FARS2: variants seen among roughly 807,000 people sequenced by gnomAD.
FARS2 encodes the protein phenylalanyl-tRNA synthetase 2, mitochondrial, also known as phenylalanine--tRNA ligase, mitochondrial.
Under a neutral mutation model 46.4 loss-of-function variants are expected in FARS2, and 40 were observed. The ratio of observed to expected loss-of-function variants is 0.86; its 90% CI spans 0.67 to 1.12. The LOEUF is 1.12. Ranked by LOEUF, FARS2 falls within the 50% of genes most tolerant of loss-of-function variation. FARS2 has a pLI of 0.00. For synonymous variants in FARS2, 234 were observed against 214.9 expected (o/e 1.09, Z -0.78); for missense variants, 513 against 567.9 (o/e 0.90, Z 0.98).
rs201074448 is a variant in FARS2 at position 5,407,043 on chromosome 6, TTA to T, written c.772+2365_772+2366del. Among the ~76,000 whole-genome samples, 560 of 83,784 alleles carry T rather than the reference TTA, an allele frequency of 6.7e-3. 34 individuals carry two copies. The highest frequency in any genetic ancestry group is 0.028 in the South Asian group (53 of 1,888). 55.0% of individuals were successfully genotyped at this position (83,784 alleles called of 152,430 possible). On this transcript the variant is annotated intron_variant, in intron 3 of 6. Transcript: ENST00000274680. ...AATGGGTGAACATGAAGGTGGCAAATTATATATATATATATATATATATAATG... is the reference window on the plus strand; with the variant it reads ...AATGGGTGAACATGAAGGTGGCAAATTATATATATATATATATATATAATG...
chr6:5,309,112 A>G (rs1257963261), intron 1 of FARS2, among the ~76,000 whole-genome samples: 1 of 152,248 alleles, frequency 6.6e-6, no homozygotes, highest in South Asian at 2.1e-4. Context: ...GCAACTATTT[A>G]TACCAGACAA....
At chr6:5,610,311 TAAAA>T in intron 5 of FARS2, 2 of 297,666 alleles carry the variant, frequency 6.7e-6, no homozygotes, top group African/African-American at 2.3e-5. Flanking sequence ...CAATTCTTTT[TAAAA>T]AAAAAAAAAA....
At chr6:5,567,817 G>A (rs1772409258) in intron 5 of FARS2, among the ~76,000 whole-genome samples, 1 of 152,180 alleles carries the variant, frequency 6.6e-6, no homozygotes, top group South Asian at 2.1e-4. Flanking sequence ...TTAGCTAGTC[G>A]CTAGCTATTT....
At chr6:5,305,019 G>T (rs1370540608) in intron 1 of FARS2, among the ~76,000 whole-genome samples, 1 of 152,150 alleles carries the variant, frequency 6.6e-6, no homozygotes, top group East Asian at 1.9e-4. Flanking sequence ...CTGGGCATGC[G>T]CTCAGAAGAG....
At chr6:5,266,657 A>T (rs1285290028) in intron 1 of FARS2, among the ~76,000 whole-genome samples, 1 of 152,172 alleles carries the variant, frequency 6.6e-6, no homozygotes, top group Admixed American at 6.5e-5. Context: ...CAGCTTCAGG[A>T]ATTGGAAGGT....
chr6:5,465,468 A>T (rs1357231296), intron 4 of FARS2, among the ~76,000 whole-genome samples: 4 of 152,206 alleles, frequency 2.6e-5, no homozygotes, highest in African/African-American at 9.7e-5. Flanking sequence ...TATTTTGCTC[A>T]TTGGCTTCTA....
intron 3 of FARS2, among the ~76,000 whole-genome samples, chr6:5,410,256 C>T (rs764608275): frequency 1.4e-4 from 22 of 151,846 alleles, no homozygotes; most frequent in African/African-American, 4.3e-4. Context: ...TGGGTTCCCG[C>T]GATTCTCATG....
In FARS2 at chr6:5,640,374, G is replaced by A. The variant is rs374229630; in HGVS notation, c.1217+27054G>A. ...AAAGGAGATGCAGCAGATCTGAATT[G>A]GCTTCATATCACGGCAAACACGGAA... On this transcript the variant is annotated intron_variant, in intron 6 of 6. Coordinates refer to ENST00000274680, the MANE Select transcript of FARS2 (RefSeq NM_006567.5). Among the ~76,000 whole-genome samples the A allele has an allele frequency of 6.3e-4, 96 of 152,280 alleles. 2 individuals carry two copies. In the South Asian group the frequency reaches 0.02, roughly 31 times the overall value.
intron 3 of FARS2, among the ~76,000 whole-genome samples, chr6:5,414,554 T>C (rs1268282961): frequency 2.6e-5 from 4 of 152,206 alleles, no homozygotes; most frequent in Non-Finnish European, 4.4e-5. Flanking sequence ...ATAATTATTT[T>C]GAGATTCATG....
At chr6:5,561,036 C>T (rs1315994665) in intron 5 of FARS2, among the ~76,000 whole-genome samples, 1 of 152,084 alleles carries the variant, frequency 6.6e-6, no homozygotes, top group Non-Finnish European at 1.5e-5. Flanking sequence ...GAGGCTGAGG[C>T]ACAAAAGTTG....
intron 5 of FARS2, among the ~76,000 whole-genome samples, chr6:5,563,784 A>T (rs1772154856): frequency 6.6e-6 from 1 of 152,222 alleles, no homozygotes; most frequent in Non-Finnish European, 1.5e-5. Context: ...TACCAATACA[A>T]GATATATAAG....
At chr6:5,273,488 T>C (rs904712371) in intron 1 of FARS2, among the ~76,000 whole-genome samples, 2 of 146,724 alleles carry the variant, frequency 1.4e-5, no homozygotes, top group African/African-American at 5.0e-5. Context: ...TATTGAGATC[T>C]TTGGCCCAAT....
intron 4 of FARS2, among the ~76,000 whole-genome samples, chr6:5,483,822 C>G (rs1053153835): frequency 6.6e-6 from 1 of 152,088 alleles, no homozygotes; most frequent in Non-Finnish European, 1.5e-5. Context: ...AAGACAAAGA[C>G]AACCAGAGCT....
chr6:5,446,446 T>C (rs764696782), intron 4 of FARS2, among the ~76,000 whole-genome samples: 2 of 152,164 alleles, frequency 1.3e-5, no homozygotes, highest in Non-Finnish European at 2.9e-5. Flanking sequence ...TTTTCTTCCA[T>C]CCCTGAAGCA....
At chr6:5,310,323 G>A (rs898540407) in intron 1 of FARS2, among the ~76,000 whole-genome samples, 3 of 151,782 alleles carry the variant, frequency 2.0e-5, no homozygotes, top group African/African-American at 7.3e-5. Context: ...TTGGAGTGGT[G>A]AAGGCCTTTC....
In FARS2 at chr6:5,559,738, C is replaced by T. The variant is rs113786298; in HGVS notation, c.1065+14398C>T. Among the ~76,000 whole-genome samples the T allele has an allele frequency of 6.4e-3, 964 of 151,648 alleles. 7 individuals are homozygous for T. Among genetic ancestry groups the T allele is most frequent in the Non-Finnish European group, 0.01 (693 of 68,018 alleles). The stretch of plus-strand genomic sequence containing the variant: ...TTGAAGGATTTGCTTAATCTTATGT[C>T]ATCTTTTTGAAAAGTGATAGTAATT... On this transcript the variant is annotated intron_variant, in intron 5 of 6. Transcript: ENST00000274680.
At chr6:5,256,575 G>C (rs1764689816), upstream of FARS2, among the ~76,000 whole-genome samples, 1 of 141,684 alleles carries the variant, frequency 7.1e-6, no homozygotes, top group African/African-American at 2.6e-5. Flanking sequence ...CTTTTACACT[G>C]TGTGAGATGG....
rs541776587 is a variant in FARS2 at position 5,364,042 on chromosome 6, A to G, written c.-21-4508A>G. ...ATTGTCCAAATCTGTTTCCCTCTAC[A>G]AAAGATGATCTGAACAAACAACAAA... On this transcript the variant is annotated intron_variant, in intron 1 of 6. Coordinates refer to ENST00000274680, the MANE Select transcript of FARS2 (RefSeq NM_006567.5). 8.5e-5 allele frequency among the ~76,000 whole-genome samples: 13 copies of G among 152,318 alleles called. 2 individuals are homozygous for G. In the South Asian group the frequency reaches 2.7e-3, roughly 32 times the overall value.
chr6:5,414,820 T>C (rs1052645671), intron 3 of FARS2, among the ~76,000 whole-genome samples: 2 of 138,422 alleles, frequency 1.4e-5, no homozygotes, highest in African/African-American at 5.3e-5. Context: ...TGTTTTTTTT[T>C]TTTTTTTTTT....
Sources: allele counts gnomAD v4.1 joint callset (sites outside exome capture counted in the v4.1 genomes callset), GRCh38; gene constraint gnomAD v4.1.1; transcripts MANE v1.5; gene names NCBI Gene and HGNC (gene_info 2026-07-23, HGNC 2026-07-21).